The following CCNDBP1 variants were observed in gnomAD, a reference collection of about 807,000 sequenced individuals.
CCNDBP1 encodes cyclin D1 binding protein 1.
Under a neutral mutation model 46.2 loss-of-function variants are expected in CCNDBP1, and 45 were observed. That is an observed-to-expected ratio of 0.97 (90% CI 0.77 to 1.25). The LOEUF (loss-of-function observed/expected upper bound fraction) is 1.25. Ranked by LOEUF, CCNDBP1 falls within the 50% of genes most tolerant of loss-of-function variation. The pLI is 0.00. For synonymous variants in CCNDBP1, 154 were observed against 163.6 expected, an observed-to-expected ratio of 0.94 and a Z score of 0.45; for missense variants, 436 against 442.1, an observed-to-expected ratio of 0.99 and a Z score of 0.12.
intron 1 of CCNDBP1, 72 bp downstream of exon 1, chr15:43,185,679 C>T: frequency 3.0e-6 from 1 of 334,576 alleles, no homozygotes. Flanking sequence ...GGCTCGGGGT[C>T]GGGGAGAGGC....
rs779646742 is a variant in CCNDBP1 at position 43,185,883 on chromosome 15, A to G, written c.169+4A>G. 5.6e-6 allele frequency: 9 copies of G among 1,609,630 alleles called. No individual in the cohort carries two copies. Among genetic ancestry groups the G allele is most frequent in the Non-Finnish European group, 7.6e-6 (9 of 1,179,484 alleles). Reference sequence around the variant, plus strand: ...GAGATGTTCTGGAGAAGACTCAGTGAGTGCGCCTCCTTCCGGGCTCCCCTT... The same window carrying G: ...GAGATGTTCTGGAGAAGACTCAGTGGGTGCGCCTCCTTCCGGGCTCCCCTT... On this transcript the variant is annotated splice_donor_region_variant and intron_variant, in intron 2 of 10. Transcript: ENST00000300213.
intron 10 of CCNDBP1, 52 bp downstream of exon 10, chr15:43,194,513 G>C (rs1401601120): frequency 1.4e-6 from 2 of 1,429,676 alleles, no homozygotes; most frequent in South Asian, 1.2e-5. Context: ...CGGAACTGCT[G>C]TCCAGACGTT....
intron 2 of CCNDBP1, 123 bp downstream of exon 2, chr15:43,186,002 CT>C: frequency 8.5e-7 from 1 of 1,172,272 alleles, no homozygotes. Flanking sequence ...TGTGAGGTAC[CT>C]TACCCACCTC....
At position 43,192,756 on chromosome 15, in the gene CCNDBP1, G is replaced by T. The variant is rs376350903; in HGVS notation, c.874G>T (p.Ala292Ser). ...DEISPSVDDL[A>S]LSIYPPMCHL... is the part of the protein sequence containing the mutation. ...TTCTGCTCTTAGTGTGGATGATTTG[G>T]CTCTGAGCATATATCCACCTATGTG... The change falls in exon 9 of 11, where the codon GCT becomes TCT. Residue 292 changes from alanine to serine, a missense_variant. Coordinates refer to ENST00000300213, the MANE Select transcript of CCNDBP1 (RefSeq NM_012142.5). The T allele has an allele frequency of 6.2e-7, 1 of 1,613,896 alleles. No individual in the cohort carries two copies. Among genetic ancestry groups the T allele is most frequent in the African/African-American group, 1.3e-5 (1 of 74,880 alleles).
intron 7 of CCNDBP1, 104 bp downstream of exon 7, chr15:43,191,146 C>A: frequency 1.1e-6 from 1 of 944,264 alleles, no homozygotes; most frequent in Non-Finnish European, 1.7e-6. Context: ...CCCATTCTCA[C>A]TACTGTCCTC....
At position 43,194,885 on chromosome 15, in the gene CCNDBP1, G is replaced by A; in HGVS notation, c.*44G>A. The A allele has an allele frequency of 8.2e-7, 1 of 1,221,214 alleles. No individual in the cohort carries two copies. The highest frequency in any genetic ancestry group is 1.2e-6 in the Non-Finnish European group (1 of 825,684). 75.6% of individuals were successfully genotyped at this position (1,221,214 alleles called of 1,614,324 possible). On this transcript the variant is annotated 3_prime_UTR_variant, in exon 11 of 11. Transcript: ENST00000300213. ...ACTCTCTTCCCCTCTCATCGTCATG[G>A]TCAGGCTCTGATACCTGCTTTTAAA... is the stretch of plus-strand genomic sequence containing the variant.
At chr15:43,190,286 C>G (rs781333909) in intron 5 of CCNDBP1, 39 bp from the exon 6 acceptor site, 8 of 1,602,612 alleles carry the variant, frequency 5.0e-6, no homozygotes, top group South Asian at 1.1e-5. Context: ...AGACAGGAAC[C>G]TAGGTTATTA....
At position 43,194,433 on chromosome 15, in the gene CCNDBP1, G is replaced by A. The variant is rs138245123; in HGVS notation, c.940G>A (p.Val314Ile). 2 of 1,607,534 alleles carry A rather than the reference G, an allele frequency of 1.2e-6. No individual in the cohort carries two copies. Among genetic ancestry groups the A allele is most frequent in the Non-Finnish European group, 1.7e-6 (2 of 1,178,288 alleles). The change falls in exon 10 of 11, where the codon GTT (valine) becomes ATT (isoleucine). Residue 314 changes from valine to isoleucine, a missense_variant. Transcript: ENST00000300213. ...TTTCTAGTCTGCGAAACTTGTATCT[G>A]TTTTAAAGAAGGCACTTGAAATTAC... ...VRINSAKLVSVLKKALEITKA... is the reference protein window; with the variant it reads ...VRINSAKLVSILKKALEITKA...
Position 43,194,437 on chromosome 15 carries a change from TAAA to T in CCNDBP1, c.945_947del (p.Lys317del). 2 of 1,608,118 alleles carry T rather than the reference TAAA, an allele frequency of 1.2e-6. No individual in the cohort carries two copies. Among genetic ancestry groups the T allele is most frequent in the Non-Finnish European group, 1.7e-6 (2 of 1,178,466 alleles). ...TAGTCTGCGAAACTTGTATCTGTTT[TAAA>T]GAAGGCACTTGAAATTACAAAGTAA... On this transcript the variant is annotated inframe_deletion, in exon 10 of 11. Coordinates refer to ENST00000300213, the MANE Select transcript of CCNDBP1 (RefSeq NM_012142.5).
Position 43,185,890 on chromosome 15 carries a change from C to T in CCNDBP1, c.169+11C>T, listed in dbSNP as rs1228030231. ...TCTGGAGAAGACTCAGTGAGTGCGC[C>T]TCCTTCCGGGCTCCCCTTGCCTCAG... On this transcript the variant is annotated intron_variant, in intron 2 of 10. Coordinates refer to ENST00000300213, the MANE Select transcript of CCNDBP1 (RefSeq NM_012142.5). The T allele has an allele frequency of 1.2e-6, 2 of 1,608,258 alleles. No individual in the cohort carries two copies. Among genetic ancestry groups the T allele is most frequent in the African/African-American group, 2.7e-5 (2 of 74,902 alleles).
rs2042040191 is a variant in CCNDBP1, at chr15:43,196,535, A to C, written c.*1694A>C. 6.6e-6 allele frequency: 1 copy of C among 152,116 alleles called. No homozygotes were observed. The highest frequency in any genetic ancestry group is 6.6e-5 in the Admixed American group (1 of 15,254). 9.4% of individuals were successfully genotyped at this position (152,116 alleles called of 1,614,324 possible). A position where few individuals can be genotyped will look rare whatever the true frequency, so the allele number is the denominator to read the frequency against. On this transcript the variant is annotated 3_prime_UTR_variant, in exon 11 of 11. Coordinates refer to ENST00000300213, the MANE Select transcript of CCNDBP1 (RefSeq NM_012142.5). ...ACTCCTGACCTCAGGTGATCTGCCC[A>C]CGTCAGCCTCCCAAAGTGCTGGGAT...
At chr15:43,186,538 C>G (rs1328403381) in intron 3 of CCNDBP1, among the ~76,000 whole-genome samples, 2 of 152,082 alleles carry the variant, frequency 1.3e-5, no homozygotes, top group Non-Finnish European at 2.9e-5. Flanking sequence ...GGCCATCTGA[C>G]AGATGAGCAA....
At position 43,193,615 on chromosome 15, in the gene CCNDBP1, G is replaced by A. The variant is rs2041995397; in HGVS notation, c.922-800G>A. Reference sequence around the variant, plus strand: ...AGAGTCAACTTTCTTATAAAAATCTGATTTTATTGTATTCTTTGAGGTTCT... The same window carrying A: ...AGAGTCAACTTTCTTATAAAAATCTAATTTTATTGTATTCTTTGAGGTTCT... On this transcript the variant is annotated intron_variant, in intron 9 of 10. Coordinates refer to ENST00000300213, the MANE Select transcript of CCNDBP1 (RefSeq NM_012142.5). 2.0e-5 allele frequency among the ~76,000 whole-genome samples: 3 copies of A among 152,090 alleles called. No homozygotes were observed. The South Asian group carries it at 6.2e-4, about 32-fold the overall frequency.
chr15:43,186,499 TA>T (rs775006827), intron 3 of CCNDBP1, among the ~76,000 whole-genome samples: 5 of 152,182 alleles, frequency 3.3e-5, no homozygotes, highest in Non-Finnish European at 5.9e-5. Flanking sequence ...AAGCACTTTT[TA>T]TTTGCTGGGT....
intron 8 of CCNDBP1, among the ~76,000 whole-genome samples, chr15:43,192,391 T>C (rs1352419642): frequency 6.6e-6 from 1 of 152,234 alleles, no homozygotes; most frequent in African/African-American, 2.4e-5. Flanking sequence ...AAAGTGGTGC[T>C]CACTTTAGTA....
chr15:43,185,433 T>G lies in CCNDBP1; in HGVS notation c.-66T>G. ...CGCTGTGGCCCGGAAGTGGAGCGGCTGTCGCAGTGCGGCTCCGGCAGTGGC... is the reference window on the plus strand; with the variant it reads ...CGCTGTGGCCCGGAAGTGGAGCGGCGGTCGCAGTGCGGCTCCGGCAGTGGC... On this transcript the variant is annotated 5_prime_UTR_variant, in exon 1 of 11. Transcript: ENST00000300213. 8.1e-7 allele frequency: 1 copy of G among 1,241,614 alleles called. No individual in the cohort carries two copies. The highest frequency in any genetic ancestry group is 2.5e-5 in the East Asian group (1 of 39,610). The allele number at this position is 1,241,614 out of a possible 1,614,324, so 76.9% of individuals were successfully genotyped here. A position where few individuals can be genotyped will look rare whatever the true frequency, so the allele number is the denominator to read the frequency against.
chr15:43,193,937 T>C (rs2041999968), intron 9 of CCNDBP1: 4 of 257,068 alleles, frequency 1.6e-5, no homozygotes, highest in South Asian at 1.4e-4. Flanking sequence ...TAGTATCTGC[T>C]CTAGCAATTT....
At chr15:43,192,205 G>T (rs2041964728) in intron 8 of CCNDBP1, among the ~76,000 whole-genome samples, 1 of 152,118 alleles carries the variant, frequency 6.6e-6, no homozygotes, top group South Asian at 2.1e-4. Flanking sequence ...ATTTTAAAAA[G>T]AAACCAGGAC....
intron 7 of CCNDBP1, 38 bp downstream of exon 7, chr15:43,191,080 C>T (rs745540535): frequency 2.8e-6 from 4 of 1,438,072 alleles, no homozygotes; most frequent in East Asian, 4.5e-5. Context: ...AACTCCTTGA[C>T]TAGTAGATGA....
Sources: allele counts gnomAD v4.1 joint callset (sites outside exome capture counted in the v4.1 genomes callset), GRCh38; gene constraint gnomAD v4.1.1; transcripts MANE v1.5; gene names NCBI Gene and HGNC (gene_info 2026-07-23, HGNC 2026-07-21).